GAB4: variants seen among roughly 807,000 people sequenced by gnomAD.
The protein encoded by GAB4 is GRB2-associated-binding protein 4.
In GAB4, 26 loss-of-function variants were observed where a neutral mutation model predicts 51.3. That is an observed-to-expected ratio of 0.51 (90% confidence interval 0.37 to 0.70). The LOEUF (loss-of-function observed/expected upper bound fraction) is 0.70. Among genes scored for constraint, GAB4 ranks in the 30% least tolerant of loss-of-function variants. GAB4 has a pLI of 0.00. For synonymous variants in GAB4, 329 were observed against 291.2 expected, an observed-to-expected ratio of 1.13 and a Z score of -1.32; for missense variants, 759 against 734.6, an observed-to-expected ratio of 1.03 and a Z score of -0.38.
At chr22:16,985,174 T>G (rs1226842090) in intron 3 of GAB4, among the ~76,000 whole-genome samples, 1 of 152,196 alleles carries the variant, frequency 6.6e-6, no homozygotes, top group African/African-American at 2.4e-5. Context: ...GGTCCCTGTA[T>G]CTCTCCCGAA....
rs369079535 is a variant in GAB4 at position 16,970,176 on chromosome 22, T to C, written c.704A>G (p.Gln235Arg). 1.9e-6 allele frequency: 3 copies of C among 1,614,020 alleles called. No homozygotes were observed. The highest frequency in any genetic ancestry group is 2.7e-5 in the African/African-American group (2 of 74,972). The change falls in exon 4 of 10, where the codon CAG becomes CGG. Residue 235 changes from glutamine (Q) to arginine (R), a missense_variant. Gln to Arg is a conservative substitution (Grantham distance 43). Coordinates refer to ENST00000400588, the MANE Select transcript of GAB4 (RefSeq NM_001037814.1). ...AEHARSASFS[Q>R]GSEAPFIMRR... ...CATGATGAATGGGGCCTCAGAACCC[T>C]GGGAGAAGCTGGCACTCCTAAGAGA...
chr22:16,968,403 TC>T lies in GAB4; in HGVS notation c.938-21del. Reference sequence around the variant, plus strand: ...AGGAAGCTACGACAGAGGAAGGAGATCCACATGCATCACAGCTGATCCATGT... The same window carrying T: ...AGGAAGCTACGACAGAGGAAGGAGATCACATGCATCACAGCTGATCCATGT... On this transcript the variant is annotated intron_variant, in intron 4 of 9. Coordinates refer to ENST00000400588, the MANE Select transcript of GAB4 (RefSeq NM_001037814.1). 6.4e-7 allele frequency: 1 copy of T among 1,574,348 alleles called. No homozygotes were observed. Among genetic ancestry groups the T allele is most frequent in the Non-Finnish European group, 8.7e-7 (1 of 1,143,684 alleles).
intron 5 of GAB4, 107 bp from the exon 6 acceptor site, chr22:16,966,471 G>A (rs2060676505): frequency 2.7e-5 from 31 of 1,144,070 alleles, no homozygotes; most frequent in Middle Eastern, 2.1e-4. Context: ...TGTTTTGAAC[G>A]AAACTTTTGA....
chr22:16,994,969 C>T (rs1309446141), intron 1 of GAB4, among the ~76,000 whole-genome samples: 1 of 152,132 alleles, frequency 6.6e-6, no homozygotes, highest in Non-Finnish European at 1.5e-5. Flanking sequence ...TGGTCAAATA[C>T]TTTTTTGCAT....
intron 3 of GAB4, among the ~76,000 whole-genome samples, chr22:16,984,944 C>A (rs2060855571): frequency 6.6e-6 from 1 of 152,182 alleles, no homozygotes; most frequent in South Asian, 2.1e-4. Context: ...TGTGGGTGCA[C>A]CCTGGAGGCA....
intron 1 of GAB4, among the ~76,000 whole-genome samples, chr22:16,998,648 G>A (rs549713442): frequency 6.6e-6 from 1 of 152,054 alleles, no homozygotes; most frequent in South Asian, 2.1e-4. Context: ...TCTTTCTCTT[G>A]CCTGACTGTG....
In GAB4 at chr22:16,966,247, C is replaced by A. The variant is rs375901031; in HGVS notation, c.1141G>T (p.Gly381Cys). ...AVKQAGDDSQ[G>C]VCIPVGSCLV... ...CATGAGCCCACAGGGATGCAGACACCCTGGGAATCATCGCCTGCTTGCTTC... is the reference window on the plus strand; with the variant it reads ...CATGAGCCCACAGGGATGCAGACACACTGGGAATCATCGCCTGCTTGCTTC... The change falls in exon 6 of 10, where the codon GGT (glycine) becomes TGT (cysteine). Residue 381 changes from glycine to cysteine, a missense_variant. Around this residue, in one of 3 missense-constraint regions of GAB4, gnomAD observed 588 missense variants for 510.2 expected, o/e 1.15. Coordinates refer to ENST00000400588, the MANE Select transcript of GAB4 (RefSeq NM_001037814.1). 1.9e-6 allele frequency: 3 copies of A among 1,613,994 alleles called. No homozygotes were observed. Among genetic ancestry groups the A allele is most frequent in the Non-Finnish European group, 1.7e-6 (2 of 1,180,012 alleles).
chr22:17,000,215 T>C (rs1410130203), intron 1 of GAB4, among the ~76,000 whole-genome samples: 1 of 152,220 alleles, frequency 6.6e-6, no homozygotes, highest in East Asian at 1.9e-4. Context: ...TCTGTCTTGT[T>C]GATCTGTCTA....
chr22:16,972,352 T>C (rs2060739280), intron 3 of GAB4, among the ~76,000 whole-genome samples: 1 of 152,182 alleles, frequency 6.6e-6, no homozygotes, highest in South Asian at 2.1e-4. Flanking sequence ...CGGAAGGATC[T>C]GCAGCAGCAG....
intron 1 of GAB4, among the ~76,000 whole-genome samples, chr22:17,001,284 C>T (rs976649009): frequency 1.2e-4 from 19 of 152,192 alleles, no homozygotes; most frequent in Non-Finnish European, 2.5e-4. Context: ...ACCAATCAGA[C>T]GTAGATTTGG....
intron 1 of GAB4, among the ~76,000 whole-genome samples, chr22:16,995,400 A>G (rs1194913837): frequency 6.6e-6 from 1 of 152,206 alleles, no homozygotes; most frequent in Non-Finnish European, 1.5e-5. Flanking sequence ...ATTACACTTA[A>G]ACGTTCTGCC....
chr22:16,970,959 G>A (rs1216249614), intron 3 of GAB4, among the ~76,000 whole-genome samples: 1 of 151,930 alleles, frequency 6.6e-6, no homozygotes, highest in African/African-American at 2.4e-5. Flanking sequence ...ACTTTAGGAA[G>A]CCCAGACAGG....
At chr22:17,002,231 T>C (rs1034909341) in intron 1 of GAB4, among the ~76,000 whole-genome samples, 3 of 152,212 alleles carry the variant, frequency 2.0e-5, no homozygotes, top group African/African-American at 7.2e-5. Flanking sequence ...GCATTGCTCA[T>C]GCTGGGAGCT....
intron 3 of GAB4, among the ~76,000 whole-genome samples, chr22:16,975,876 C>T (rs73145697): frequency 0.022 from 3,380 of 152,196 alleles, 59 homozygotes; most frequent in Middle Eastern, 0.068. Context: ...TGATATCTGC[C>T]GGTGATACAG....
chr22:16,963,012 G>T (rs1249615449), intron 9 of GAB4, 136 bp from the exon 10 acceptor site: 2 of 763,730 alleles, frequency 2.6e-6, no homozygotes, highest in Non-Finnish European at 4.1e-6. Context: ...CAGCCTGGGG[G>T]GCCTGGGCTT....
chr22:16,982,458 TGAA>T (rs893443759), intron 3 of GAB4, among the ~76,000 whole-genome samples: 1 of 151,920 alleles, frequency 6.6e-6, no homozygotes, highest in East Asian at 1.9e-4. Context: ...AAAATAATCT[TGAA>T]GAAGTAAAAG....
At chr22:16,971,445 G>A (rs1169025291) in intron 3 of GAB4, among the ~76,000 whole-genome samples, 1 of 152,240 alleles carries the variant, frequency 6.6e-6, no homozygotes, top group African/African-American at 2.4e-5. Context: ...TACGTTCTGT[G>A]TGGGCGCTCT....
intron 2 of GAB4, among the ~76,000 whole-genome samples, chr22:16,988,873 C>T (rs766631671): frequency 3.2e-4 from 48 of 152,210 alleles, no homozygotes; most frequent in Admixed American, 5.2e-4. Flanking sequence ...TTTGCTTTGG[C>T]TTATGCTGTT....
At chr22:16,992,470 A>G (rs2060921986) in intron 1 of GAB4, among the ~76,000 whole-genome samples, 1 of 152,174 alleles carries the variant, frequency 6.6e-6, no homozygotes, top group African/African-American at 2.4e-5. Flanking sequence ...TAGAACACTG[A>G]CCTCAATGCA....
Sources: gnomAD v4.1 joint callset for allele counts (sites outside exome capture counted in the v4.1 genomes callset) on GRCh38, gnomAD v4.1.1 for gene constraint, gnomAD v4.1.1 regional missense constraint, MANE v1.5 for transcripts, NCBI Gene and HGNC (gene_info 2026-07-23, HGNC 2026-07-21) for gene names.